GLRA1: variants seen among roughly 807,000 people sequenced by gnomAD.
GLRA1 encodes glycine receptor subunit alpha-1.
Under a neutral mutation model 48.3 loss-of-function variants are expected in GLRA1, and 37 were observed. That is an observed-to-expected ratio of 0.77 (90% CI 0.59 to 1.01). GLRA1 has a LOEUF of 1.01. GLRA1 is among the 50% of genes least tolerant of loss of function. The pLI is 0.00. For synonymous variants in GLRA1, 196 were observed against 210.7 expected (o/e 0.93, Z 0.60); for missense variants, 427 against 571.0 (o/e 0.75, Z 2.57).
Position 151,856,380 on chromosome 5 carries a change from G to A in GLRA1, c.480C>T (p.Ile160=), listed in dbSNP as rs1413107798. 1.9e-6 allele frequency: 3 copies of A among 1,606,992 alleles called. No individual in the cohort carries two copies. The highest frequency in any genetic ancestry group is 1.1e-5 in the South Asian group (1 of 90,918). The part of the protein sequence containing the change: ...RNGNVLYSIR[I]TLTLACPMDL... ...CCATGGGGCAGGCCAGTGTCAGGGT[G>A]ATTCTGGGAAGAGAAGGGATTTTGA... Residue 160 remains isoleucine, a synonymous_variant, in exon 5 of 9, where the codon ATC becomes ATT. Coordinates refer to ENST00000274576, the MANE Select transcript of GLRA1 (RefSeq NM_000171.4).
Position 151,877,820 on chromosome 5 carries a change from A to G in GLRA1, c.252+8901T>C, listed in dbSNP as rs918259956. ...TGTGAGGCCTCCCCAGCCACATGCA[A>G]CTGTAAGTCCAATAAAGGTCTTTCT... On this transcript the variant is annotated intron_variant, in intron 3 of 8. Coordinates refer to ENST00000274576, the MANE Select transcript of GLRA1 (RefSeq NM_000171.4). Among the ~76,000 whole-genome samples the G allele has an allele frequency of 1.1e-4, 16 of 152,230 alleles. 1 individual carries two copies. The highest frequency in any genetic ancestry group is 8.5e-4 in the Admixed American group (13 of 15,284).
intron 1 of GLRA1, among the ~76,000 whole-genome samples, chr5:151,908,441 C>T (rs901721534): frequency 2.0e-5 from 3 of 152,070 alleles, no homozygotes; most frequent in Admixed American, 1.3e-4. Flanking sequence ...CCTTTTCCTT[C>T]ATTTGTTTCT....
At chr5:151,865,796 G>T (rs1202958613) in intron 3 of GLRA1, among the ~76,000 whole-genome samples, 2 of 152,092 alleles carry the variant, frequency 1.3e-5, no homozygotes. Flanking sequence ...ATGTACCTTG[G>T]TGTCCTCAGG....
Position 151,924,654 on chromosome 5 carries a change from G to A in GLRA1, c.-105C>T. The A allele has an allele frequency of 1.3e-6, 1 of 798,556 alleles. No homozygotes were observed. Among genetic ancestry groups the A allele is most frequent in the South Asian group, 1.3e-5 (1 of 74,660 alleles). 49.5% of individuals were successfully genotyped at this position (798,556 alleles called of 1,614,324 possible). A position where few individuals can be genotyped will look rare whatever the true frequency, so the allele number is the denominator to read the frequency against. ...CGCTATTGCAAAAAATAATCCAGAT[G>A]TTAAAGGGAGGCGGGGAACAGGGGC... On this transcript the variant is annotated 5_prime_UTR_variant, in exon 1 of 9. Transcript: ENST00000274576.
rs1283823078 is a variant in GLRA1, at chr5:151,829,128, A to G, written c.913-61T>C. On this transcript the variant is annotated intron_variant, in intron 7 of 8. Coordinates refer to ENST00000274576, the MANE Select transcript of GLRA1 (RefSeq NM_000171.4). Reference sequence around the variant, plus strand: ...AGCAGGGGAATGTAAAACATTAAGCATGGCGGAATATTTTCTGCTCTTCGG... The same window carrying G: ...AGCAGGGGAATGTAAAACATTAAGCGTGGCGGAATATTTTCTGCTCTTCGG... 5 of 1,524,616 alleles carry G rather than the reference A, an allele frequency of 3.3e-6. No homozygotes were observed. The African/African-American group carries it at 6.8e-5, about 21-fold the overall frequency. 94.4% of individuals were successfully genotyped at this position (1,524,616 alleles called of 1,614,324 possible).
intron 5 of GLRA1, among the ~76,000 whole-genome samples, chr5:151,855,948 A>T (rs1753030247): frequency 6.6e-6 from 1 of 152,094 alleles, no homozygotes; most frequent in Non-Finnish European, 1.5e-5. Context: ...CCTTTAGTAG[A>T]GTTATTTGTG....
chr5:151,907,748 A>G (rs550574446), intron 1 of GLRA1, among the ~76,000 whole-genome samples: 1 of 152,310 alleles, frequency 6.6e-6, no homozygotes, highest in African/African-American at 2.4e-5. Flanking sequence ...TCTGTGCTAA[A>G]TCTTTTGGTT....
intron 7 of GLRA1, chr5:151,850,639 C>T: frequency 1.4e-6 from 2 of 1,438,728 alleles, no homozygotes; most frequent in Non-Finnish European, 2.0e-6. Flanking sequence ...GTAGTGCCAA[C>T]ATACACATTC....
At chr5:151,904,479 C>A (rs915081132) in intron 1 of GLRA1, among the ~76,000 whole-genome samples, 5 of 152,188 alleles carry the variant, frequency 3.3e-5, no homozygotes, top group African/African-American at 9.7e-5. Flanking sequence ...CTACACGTAA[C>A]CACCAGCTTC....
intron 3 of GLRA1, among the ~76,000 whole-genome samples, chr5:151,882,419 A>G (rs1347980881): frequency 6.6e-6 from 1 of 152,258 alleles, no homozygotes; most frequent in Non-Finnish European, 1.5e-5. Flanking sequence ...GTAGTAGCAT[A>G]TAATAAGTTC....
Position 151,911,294 on chromosome 5 carries a change from C to T in GLRA1, c.56+13200G>A, listed in dbSNP as rs73794392. On this transcript the variant is annotated intron_variant, in intron 1 of 8. Transcript: ENST00000274576. ...TTCAATTTATACCATCTCCCACCTCCAGACAGAGTTAATCAGGCTCTTTTG... is the reference window on the plus strand; with the variant it reads ...TTCAATTTATACCATCTCCCACCTCTAGACAGAGTTAATCAGGCTCTTTTG... Among the ~76,000 whole-genome samples the T allele has an allele frequency of 3.1e-3, 465 of 152,332 alleles. 5 individuals carry two copies. The highest frequency in any genetic ancestry group is 0.011 in the African/African-American group (448 of 41,572).
intron 1 of GLRA1, among the ~76,000 whole-genome samples, chr5:151,895,748 T>TC (rs1386503645): frequency 3.3e-5 from 5 of 151,922 alleles, no homozygotes; most frequent in African/African-American, 1.2e-4. Flanking sequence ...TGGAAAACCC[T>TC]CCCAGGTGCT....
chr5:151,844,369 C>G (rs1752609155), intron 7 of GLRA1, among the ~76,000 whole-genome samples: 1 of 151,990 alleles, frequency 6.6e-6, no homozygotes, highest in African/African-American at 2.4e-5. Context: ...CGCCTGTAAT[C>G]CCAGCACTTT....
At chr5:151,859,404 A>T (rs182476621) in intron 4 of GLRA1, among the ~76,000 whole-genome samples, 1 of 152,204 alleles carries the variant, frequency 6.6e-6, no homozygotes, top group Admixed American at 6.5e-5. Flanking sequence ...TCCACCTGGC[A>T]GGCTCATTTA....
At chr5:151,901,053 C>T (rs1754354677) in intron 1 of GLRA1, among the ~76,000 whole-genome samples, 1 of 152,158 alleles carries the variant, frequency 6.6e-6, no homozygotes, top group Non-Finnish European at 1.5e-5. Flanking sequence ...TACTCTTAGT[C>T]AGCCCCTGGG....
intron 3 of GLRA1, among the ~76,000 whole-genome samples, chr5:151,870,008 A>T (rs1208658876): frequency 6.7e-6 from 1 of 149,698 alleles, no homozygotes; most frequent in Non-Finnish European, 1.5e-5. Context: ...ATTTTAAAAC[A>T]TCTATTTAAA....
chr5:151,892,633 C>T (rs575698619), intron 1 of GLRA1, among the ~76,000 whole-genome samples, 195 bp from the exon 2 acceptor site: 1 of 152,290 alleles, frequency 6.6e-6, no homozygotes, highest in South Asian at 2.1e-4. Context: ...GGCATGGGAT[C>T]CTGGCAGGCA....
chr5:151,848,907 A>T (rs1014521299), intron 7 of GLRA1: 5 of 681,428 alleles, frequency 7.3e-6, no homozygotes, highest in Non-Finnish European at 1.4e-5. Flanking sequence ...GCACATTCCC[A>T]CTTAAACAAA....
intron 7 of GLRA1, among the ~76,000 whole-genome samples, chr5:151,847,043 G>T (rs1379733473): frequency 6.6e-6 from 1 of 152,184 alleles, no homozygotes. Flanking sequence ...GACAGTATAT[G>T]TGGGAAAATG....
Sources: allele counts gnomAD v4.1 joint callset (sites outside exome capture counted in the v4.1 genomes callset), GRCh38; gene constraint gnomAD v4.1.1; transcripts MANE v1.5; gene names NCBI Gene and HGNC (gene_info 2026-07-23, HGNC 2026-07-21).